Variants in RAB20 observed in about 807,000 individuals in gnomAD.
RAB20 encodes the protein RAB20, member RAS oncogene family, also known as ras-related protein Rab-20.
In RAB20, 2 loss-of-function variants were observed where a neutral mutation model predicts 3.7. That is an observed-to-expected ratio of 0.54 (90% CI 0.22 to 1.69). RAB20 has a LOEUF of 1.69. Among genes scored for constraint, RAB20 ranks in the 40% most tolerant of loss-of-function variants. The probability of loss-of-function intolerance (pLI) is 0.19; values close to 1 mark genes in which losing one functional copy is unlikely to be tolerated. For missense variants in RAB20, 276 were observed against 311.9 expected (o/e 0.88, Z 0.87); for synonymous variants, 126 against 130.8 (o/e 0.96, Z 0.25).
At chr13:110,527,906 C>CAT (rs1314195335) in intron 1 of RAB20, among the ~76,000 whole-genome samples, 1 of 70,430 alleles carries the variant, frequency 1.4e-5, no homozygotes, top group East Asian at 2.8e-4. Flanking sequence ...CAAATACACA[C>CAT]ACACACACAC....
chr13:110,550,216 GA>G lies in RAB20; in HGVS notation c.172+11131del, dbSNP rs1227180458. Reference sequence around the variant, plus strand: ...AACTCTGTGGCACCCCAACTCCATGGACCCCAACTCTGTGGCACCCCAATTC... The same window carrying G: ...AACTCTGTGGCACCCCAACTCCATGGCCCCAACTCTGTGGCACCCCAATTC... On this transcript the variant is annotated intron_variant, in intron 1 of 1. Coordinates refer to ENST00000267328, the MANE Select transcript of RAB20 (RefSeq NM_017817.3). 2.0e-5 allele frequency among the ~76,000 whole-genome samples: 3 copies of G among 152,110 alleles called. No individual in the cohort carries two copies. In the East Asian group the frequency reaches 5.8e-4, roughly 29 times the overall value.
At chr13:110,540,711 C>T (rs1026901638) in intron 1 of RAB20, among the ~76,000 whole-genome samples, 1 of 149,190 alleles carries the variant, frequency 6.7e-6, no homozygotes, top group Non-Finnish European at 1.5e-5. Flanking sequence ...CATTGCACTC[C>T]AGCCTGGGCA....
chr13:110,536,238 A>G (rs1884636968), intron 1 of RAB20, among the ~76,000 whole-genome samples: 1 of 152,094 alleles, frequency 6.6e-6, no homozygotes, highest in Non-Finnish European at 1.5e-5. Flanking sequence ...CCTGAGGTGC[A>G]CGGCCCTGCC....
chr13:110,524,021 G>A lies in RAB20; in HGVS notation c.349C>T (p.Leu117Phe). The A allele has an allele frequency of 1.9e-6, 3 of 1,614,158 alleles. No individual in the cohort carries two copies. The highest frequency in any genetic ancestry group is 1.7e-6 in the Non-Finnish European group (2 of 1,180,040). Reference sequence around the variant, plus strand: ...CCCGCCAAGGCCCCCTCCTCAGTGAGGTCCACTTTGTTCCCCACGATGGCA... The same window carrying A: ...CCCGCCAAGGCCCCCTCCTCAGTGAAGTCCACTTTGTTCCCCACGATGGCA... Reference protein sequence around the residue: ...LFAIVGNKVDLTEEGALAGQE... With the variant: ...LFAIVGNKVDFTEEGALAGQE... The change falls in exon 2 of 2, where the codon CTC becomes TTC. Residue 117 changes from leucine to phenylalanine, a missense_variant. By Grantham distance (22) the Leu-to-Phe change is conservative. Coordinates refer to ENST00000267328, the MANE Select transcript of RAB20 (RefSeq NM_017817.3).
intron 1 of RAB20, among the ~76,000 whole-genome samples, chr13:110,537,701 T>C (rs1884671973): frequency 6.8e-6 from 1 of 147,636 alleles, no homozygotes. Context: ...CAGCCACTAT[T>C]AACAGCTTTT....
At chr13:110,537,433 G>A (rs996921834) in intron 1 of RAB20, among the ~76,000 whole-genome samples, 2 of 152,082 alleles carry the variant, frequency 1.3e-5, no homozygotes, top group African/African-American at 4.8e-5. Flanking sequence ...TGAGAAGAAA[G>A]AGGCAGTAAC....
intron 1 of RAB20, among the ~76,000 whole-genome samples, chr13:110,545,477 G>A (rs969876138): frequency 4.6e-5 from 7 of 152,230 alleles, no homozygotes; most frequent in Non-Finnish European, 1.0e-4. Context: ...CAACTGGACT[G>A]CGTATTCTGT....
rs1455533195 is a variant in RAB20, at chr13:110,561,476, T to C, written c.44A>G (p.Asn15Ser). Residue 15 changes from asparagine to serine, a missense_variant, in exon 1 of 2, where the codon AAC becomes AGC. Transcript: ENST00000267328. ...DSKIVLLGDMNVGKTSLLQRY... is the reference protein window; with the variant it reads ...DSKIVLLGDMSVGKTSLLQRY... ...CTGCAGCAGCGACGTCTTCCCCACG[T>C]TCATGTCCCCCAGGAGCACGATCTT... is the stretch of plus-strand genomic sequence containing the variant. 6.3e-7 allele frequency: 1 copy of C among 1,599,690 alleles called. No individual in the cohort carries two copies. The highest frequency in any genetic ancestry group is 8.5e-7 in the Non-Finnish European group (1 of 1,173,516).
chr13:110,552,649 T>C (rs1173093278), intron 1 of RAB20, among the ~76,000 whole-genome samples: 3 of 151,526 alleles, frequency 2.0e-5, no homozygotes, highest in Non-Finnish European at 4.4e-5. Flanking sequence ...GCCAAGACCA[T>C]GCCACTGCAC....
At chr13:110,550,325 A>C (rs903207794) in intron 1 of RAB20, among the ~76,000 whole-genome samples, 5 of 152,216 alleles carry the variant, frequency 3.3e-5, no homozygotes, top group Admixed American at 6.5e-5. Context: ...CTGTCTAATA[A>C]CTAGTAAACA....
At chr13:110,546,999 C>A (rs1002326612) in intron 1 of RAB20, among the ~76,000 whole-genome samples, 1 of 152,148 alleles carries the variant, frequency 6.6e-6, no homozygotes. Flanking sequence ...CTGAGTCTCC[C>A]GAAGTGCTGG....
chr13:110,555,928 G>A lies in RAB20; in HGVS notation c.172+5420C>T, dbSNP rs1253395065. On this transcript the variant is annotated intron_variant, in intron 1 of 1. Transcript: ENST00000267328. The surrounding 1 kb of genome is among the most constrained non-coding windows in gnomAD (Gnocchi z 4.0). ...TCCTCCCTTTGTAACATGCCTGCTG[G>A]TGTAACCTCAGTGACAGGCACCCAA... is the stretch of plus-strand genomic sequence containing the variant. 6.6e-6 allele frequency among the ~76,000 whole-genome samples: 1 copy of A among 152,198 alleles called. No individual in the cohort carries two copies. Among genetic ancestry groups the A allele is most frequent in the African/African-American group, 2.4e-5 (1 of 41,436 alleles).
chr13:110,540,533 A>T (rs1884738422), intron 1 of RAB20, among the ~76,000 whole-genome samples: 1 of 152,166 alleles, frequency 6.6e-6, no homozygotes, highest in Non-Finnish European at 1.5e-5. Flanking sequence ...ACCTGAGGTC[A>T]GGAGTTCGAG....
At chr13:110,538,619 G>GAAAAGA (rs71419779) in intron 1 of RAB20, among the ~76,000 whole-genome samples, 6 of 117,890 alleles carry the variant, frequency 5.1e-5, no homozygotes, top group Admixed American at 1.9e-4. Flanking sequence ...AAAAAAAAAA[G>GAAAAGA]AAAGAAAAGA....
Position 110,561,533 on chromosome 13 carries a change from C to A in RAB20, c.-14G>T, listed in dbSNP as rs749441452. The A allele has an allele frequency of 7.4e-5, 114 of 1,544,742 alleles. No individual in the cohort carries two copies. In the African/African-American group the frequency reaches 7.8e-4, roughly 11 times the overall value. On this transcript the variant is annotated 5_prime_UTR_variant, in exon 1 of 2. Coordinates refer to ENST00000267328, the MANE Select transcript of RAB20 (RefSeq NM_017817.3). The stretch of plus-strand genomic sequence containing the variant: ...GGGCTTCCTCATCTTCCCGTAAGAA[C>A]CCCCAGCGCCCCCGCGCCCTCTCCC...
At chr13:110,525,379 T>A (rs1884411128) in intron 1 of RAB20, among the ~76,000 whole-genome samples, 1 of 152,182 alleles carries the variant, frequency 6.6e-6, no homozygotes, top group East Asian at 1.9e-4. Flanking sequence ...CGGGTCAGAA[T>A]ACACTCCCCA....
Position 110,556,681 on chromosome 13 carries a change from G to A in RAB20, c.172+4667C>T, listed in dbSNP as rs183315907. Among the ~76,000 whole-genome samples the A allele has an allele frequency of 1.4e-4, 21 of 151,952 alleles. No homozygotes were observed. In the East Asian group the frequency reaches 1.5e-3, roughly 11 times the overall value. On this transcript the variant is annotated intron_variant, in intron 1 of 1. Transcript: ENST00000267328. Reference sequence around the variant, plus strand: ...CCCAAGTAGCTGGGACTACAGGTGCGCACCACTACACCTGGCTAACTTCTT... The same window carrying A: ...CCCAAGTAGCTGGGACTACAGGTGCACACCACTACACCTGGCTAACTTCTT...
chr13:110,535,168 T>C (rs1390351729), intron 1 of RAB20, among the ~76,000 whole-genome samples: 2 of 152,212 alleles, frequency 1.3e-5, no homozygotes, highest in Non-Finnish European at 2.9e-5. Flanking sequence ...ATGGAGAATG[T>C]AGTGAGAAAT....
chr13:110,561,386 T>A lies in RAB20; in HGVS notation c.134A>T (p.Gln45Leu), dbSNP rs966217302. ...GATGGAGATGTTGTAGGAGCGCCAC[T>A]GCTTCAGGTAGAAGGCGCCGCCCAC... ...STVGGAFYLK[Q>L]WRSYNISIWD... Residue 45 changes from glutamine to leucine, a missense_variant, in exon 1 of 2, where the codon CAG becomes CTG. Coordinates refer to ENST00000267328, the MANE Select transcript of RAB20 (RefSeq NM_017817.3). 8 of 1,609,448 alleles carry A rather than the reference T, an allele frequency of 5.0e-6. No homozygotes were observed. The African/African-American group carries it at 9.4e-5, about 19-fold the overall frequency.
Sources: allele counts gnomAD v4.1 joint callset (sites outside exome capture counted in the v4.1 genomes callset), GRCh38; gene constraint gnomAD v4.1.1; non-coding constraint Gnocchi (gnomAD v3.1); transcripts MANE v1.5; gene names NCBI Gene and HGNC (gene_info 2026-07-23, HGNC 2026-07-21).